SMC2: variants seen among roughly 807,000 people sequenced by gnomAD.
SMC2 encodes the protein structural maintenance of chromosomes protein 2.
SMC2 carries 41 observed loss-of-function variants against 142.6 expected under a neutral mutation model. The ratio of observed to expected loss-of-function variants is 0.29; its 90% CI spans 0.22 to 0.37. The LOEUF (loss-of-function observed/expected upper bound fraction) is 0.37, where lower values mean the gene tolerates loss of function less well. Among genes scored for constraint, SMC2 ranks in the 10% least tolerant of loss-of-function variants. The pLI, the probability that SMC2 is intolerant of heterozygous loss-of-function variation, is 1.00. For missense variants in SMC2, 1,265 were observed against 1,373.7 expected, an observed-to-expected ratio of 0.92 and a Z score of 1.25; for synonymous variants, 463 against 457.5, an observed-to-expected ratio of 1.01 and a Z score of -0.15.
rs1832472068 is a variant in SMC2, at chr9:104,111,753, T to C, written c.1193T>C (p.Leu398Pro). 1 of 1,613,966 alleles carries C rather than the reference T, an allele frequency of 6.2e-7. No homozygotes were observed. Among genetic ancestry groups the C allele is most frequent in the South Asian group, 1.1e-5 (1 of 91,092 alleles). Residue 398 changes from leucine to proline, a missense_variant, in exon 10 of 25, where the codon CTT (leucine) becomes CCT (proline). Physicochemically the swap from Leu to Pro is moderately conservative, Grantham distance 98 (BLOSUM62 -3). Transcript: ENST00000374793. ...AATGAAGATGGAGCAGAAGCAACTC[T>C]TGCTGGTCAAATGATGGCCTGTAAA... The part of the protein sequence containing the change: ...SSNEDGAEAT[L>P]AGQMMACKND...
Position 104,114,801 on chromosome 9 carries a change from G to A in SMC2, c.1643G>A (p.Arg548Gln), listed in dbSNP as rs750348729. 7 of 1,613,214 alleles carry A rather than the reference G, an allele frequency of 4.3e-6. No homozygotes were observed. The highest frequency in any genetic ancestry group is 1.7e-5 in the Admixed American group (1 of 59,978). ...TTALELVAGE[R>Q]LYNVVVDTEV... is the part of the protein sequence containing the mutation. ...GCTTTAGAATTAGTGGCTGGAGAAC[G>A]ACTCTACAATGTTGTAGTAGACACA... The change falls in exon 13 of 25, where the codon CGA becomes CAA. Residue 548 changes from arginine (R) to glutamine (Q), a missense_variant. Physicochemically the swap from Arg to Gln is conservative, Grantham distance 43. This residue lies in a region of SMC2 where 898 missense variants were observed against 904.2 expected (regional missense o/e 0.99). Coordinates refer to ENST00000374793, the MANE Select transcript of SMC2 (RefSeq NM_006444.3).
chr9:104,135,328 G>A (rs1489385019), intron 23 of SMC2, among the ~76,000 whole-genome samples: 1 of 151,986 alleles, frequency 6.6e-6, no homozygotes, highest in African/African-American at 2.4e-5. Flanking sequence ...TTTACTGCAT[G>A]AGATTAATAG....
At chr9:104,088,983 A>G in the SMC2 span, among the ~76,000 whole-genome samples, 1 of 70,736 alleles carries the variant, frequency 1.4e-5, no homozygotes, top group South Asian at 6.1e-4. Flanking sequence ...CAACAGTTAA[A>G]AAAAAAAAAA....
chr9:104,094,620 A>T (rs1040089647), intron 1 of SMC2, 143 bp downstream of exon 1: 1 of 381,330 alleles, frequency 2.6e-6, no homozygotes, highest in African/African-American at 2.1e-5. Flanking sequence ...CCTTAGAAAT[A>T]AAGGCTAGCT....
intron 22 of SMC2, 136 bp from the exon 23 acceptor site, chr9:104,134,279 A>T (rs1043432718): frequency 1.9e-6 from 1 of 528,150 alleles, no homozygotes. Context: ...GATTTTTCAC[A>T]TGGGCCATAG....
intron 14 of SMC2, among the ~76,000 whole-genome samples, chr9:104,117,038 T>G (rs1833195188): frequency 6.6e-6 from 1 of 152,190 alleles, no homozygotes; most frequent in Admixed American, 6.5e-5. Context: ...TGGATGTTGT[T>G]GTATCCTTAG....
chr9:104,138,007 C>T lies in SMC2; in HGVS notation c.3270-11C>T. 1 of 1,539,246 alleles carries T rather than the reference C, an allele frequency of 6.5e-7. No homozygotes were observed. The highest frequency in any genetic ancestry group is 8.8e-7 in the Non-Finnish European group (1 of 1,136,734). On this transcript the variant is annotated splice_polypyrimidine_tract_variant and intron_variant, in intron 23 of 24. Coordinates refer to ENST00000374793, the MANE Select transcript of SMC2 (RefSeq NM_006444.3). ...CAAATTTTTATGGCTTTTCTTCTGA[C>T]CTTTTCTTAGGTCTTTAGTGGCCTT...
chr9:104,111,999 G>T (rs1429511111), intron 10 of SMC2, among the ~76,000 whole-genome samples, 185 bp downstream of exon 10: 2 of 152,140 alleles, frequency 1.3e-5, no homozygotes, highest in Admixed American at 1.3e-4. Flanking sequence ...GCTAAATATT[G>T]GTGATGTTAA....
rs151099932 is a variant in SMC2, at chr9:104,107,006, C to T, written c.1020+4433C>T. ...AGGCACATCTCAGAATCTTAGGACC[C>T]GGGGAGCCAGAGGAGAAGCCAAAGC... On this transcript the variant is annotated intron_variant, in intron 9 of 24. Transcript: ENST00000374793. Among the ~76,000 whole-genome samples, 317 of 152,230 alleles carry T rather than the reference C, an allele frequency of 2.1e-3. 3 individuals are homozygous for T. The highest frequency in any genetic ancestry group is 0.014 in the South Asian group (69 of 4,810).
intron 9 of SMC2, among the ~76,000 whole-genome samples, chr9:104,110,296 CTG>C (rs1176436968): frequency 6.6e-6 from 1 of 152,170 alleles, no homozygotes; most frequent in Non-Finnish European, 1.5e-5. Context: ...CTGTGGTTGC[CTG>C]CCTTTCCAGA....
rs1835890448 is a variant in SMC2, at chr9:104,139,534, A to G, written c.*219A>G. On this transcript the variant is annotated 3_prime_UTR_variant, in exon 25 of 25. Coordinates refer to ENST00000374793, the MANE Select transcript of SMC2 (RefSeq NM_006444.3). Reference sequence around the variant, plus strand: ...AATTATTGTGGTTGTGATTTTATGCATATCATCAAATGTTTTTTTCTTATG... The same window carrying G: ...AATTATTGTGGTTGTGATTTTATGCGTATCATCAAATGTTTTTTTCTTATG... The G allele has an allele frequency of 5.2e-6, 2 of 383,566 alleles. No homozygotes were observed. Among genetic ancestry groups the G allele is most frequent in the African/African-American group, 2.1e-5 (1 of 47,344 alleles). 23.8% of individuals were successfully genotyped at this position (383,566 alleles called of 1,614,324 possible). A position where few individuals can be genotyped will look rare whatever the true frequency, so the allele number is the denominator to read the frequency against.
At chr9:104,117,186 A>G (rs1833214675) in intron 14 of SMC2, among the ~76,000 whole-genome samples, 1 of 152,192 alleles carries the variant, frequency 6.6e-6, no homozygotes, top group African/African-American at 2.4e-5. Context: ...TTGAAAACTC[A>G]CCATTAAGTC....
chr9:104,136,820 A>G (rs941894358), intron 23 of SMC2, among the ~76,000 whole-genome samples: 1 of 142,114 alleles, frequency 7.0e-6, no homozygotes, highest in Non-Finnish European at 1.5e-5. Flanking sequence ...CCCTACTTAC[A>G]TATTTCTTAA....
intron 10 of SMC2, among the ~76,000 whole-genome samples, 200 bp from the exon 11 acceptor site, chr9:104,113,116 T>A (rs1314862254): frequency 6.6e-6 from 1 of 152,142 alleles, no homozygotes; most frequent in Non-Finnish European, 1.5e-5. Flanking sequence ...TAATCATATA[T>A]TAGTTTATAC....
Position 104,103,832 on chromosome 9 carries a change from A to G in SMC2, c.1020+1259A>G, listed in dbSNP as rs372333068. Among the ~76,000 whole-genome samples the G allele has an allele frequency of 4.6e-5, 7 of 152,344 alleles. No individual in the cohort carries two copies. The East Asian group carries it at 1.4e-3, about 29-fold the overall frequency. ...GTTGAATTAAGAAACAGTGGAGGAA[A>G]ATTTAGACAAAATTTTGAAGCGATA... On this transcript the variant is annotated intron_variant, in intron 9 of 24. Coordinates refer to ENST00000374793, the MANE Select transcript of SMC2 (RefSeq NM_006444.3).
At chr9:104,116,130 C>T (rs777174721) in intron 13 of SMC2, 70 bp from the exon 14 acceptor site, 187 of 1,401,958 alleles carry the variant, frequency 1.3e-4, no homozygotes, top group Admixed American at 3.0e-4. Flanking sequence ...TTATAGACTA[C>T]TAAACTTGCA....
intron 5 of SMC2, 26 bp from the exon 6 acceptor site, chr9:104,100,067 A>C: frequency 7.9e-7 from 1 of 1,265,676 alleles, no homozygotes; most frequent in South Asian, 1.3e-5. Context: ...CTTGGATACT[A>C]AACATTAATA....
intron 9 of SMC2, among the ~76,000 whole-genome samples, chr9:104,108,161 TCC>T (rs1832026292): frequency 6.6e-6 from 1 of 152,126 alleles, no homozygotes; most frequent in African/African-American, 2.4e-5. Context: ...CCTGAAACCC[TCC>T]CATGGTCATC....
chr9:104,099,941 T>C, intron 5 of SMC2, 152 bp from the exon 6 acceptor site: 1 of 620,958 alleles, frequency 1.6e-6, no homozygotes, highest in Non-Finnish European at 2.8e-6. Context: ...AAAAGGTTTG[T>C]GTGAAATTAC....
Sources: allele counts gnomAD v4.1 joint callset (sites outside exome capture counted in the v4.1 genomes callset), GRCh38; gene constraint gnomAD v4.1.1; regional missense constraint gnomAD v4.1.1; transcripts MANE v1.5; gene names NCBI Gene and HGNC (gene_info 2026-07-23, HGNC 2026-07-21).